The following TXNDC5 variants were observed in gnomAD, a reference collection of about 807,000 sequenced individuals.
The protein encoded by TXNDC5 is thioredoxin domain containing 5, also known as thioredoxin domain-containing protein 5.
Under a neutral mutation model 52.6 loss-of-function variants are expected in TXNDC5, and 44 were observed. The ratio of observed to expected loss-of-function variants is 0.84; its 90% confidence interval spans 0.66 to 1.08. The LOEUF (loss-of-function observed/expected upper bound fraction) is 1.08, where lower values mean the gene tolerates loss of function less well. Ranked by LOEUF, TXNDC5 falls within the 50% of genes least tolerant of loss-of-function variation. The pLI is 0.00. For missense variants in TXNDC5, 600 were observed against 565.5 expected, an observed-to-expected ratio of 1.06 and a Z score of -0.62; for synonymous variants, 241 against 234.4, an observed-to-expected ratio of 1.03 and a Z score of -0.26.
intron 1 of TXNDC5, among the ~76,000 whole-genome samples, chr6:7,908,982 G>A (rs1440425033): frequency 1.3e-5 from 2 of 152,204 alleles, no homozygotes; most frequent in Non-Finnish European, 2.9e-5. Context: ...AATACTGCCT[G>A]ATTGTTTTAT....
At chr6:7,901,776 G>A (rs551037199) in intron 2 of TXNDC5, among the ~76,000 whole-genome samples, 1 of 152,352 alleles carries the variant, frequency 6.6e-6, no homozygotes, top group South Asian at 2.1e-4. Context: ...CAAGGAGACT[G>A]CAGGGAGAAA....
At chr6:7,910,493 C>G (rs1398150505) in intron 1 of TXNDC5, 21 bp downstream of exon 1, 2 of 1,423,224 alleles carry the variant, frequency 1.4e-6, no homozygotes, top group South Asian at 1.3e-5. Context: ...CGGGGCAGGG[C>G]GCCGGCCTGC....
At chr6:7,890,102 T>C (rs1760139156) in intron 5 of TXNDC5, among the ~76,000 whole-genome samples, 1 of 152,250 alleles carries the variant, frequency 6.6e-6, no homozygotes, top group Non-Finnish European at 1.5e-5. Flanking sequence ...GTCAAGATTA[T>C]AATCCGTCCT....
At position 7,882,687 on chromosome 6, in the gene TXNDC5, C is replaced by CTGTG. The variant is rs1183118649; in HGVS notation, c.*453_*456dup. On this transcript the variant is annotated 3_prime_UTR_variant, in exon 10 of 10. Transcript: ENST00000379757. The stretch of plus-strand genomic sequence containing the variant: ...ACGGACCAACACAGTATTGAGTCAA[C>CTGTG]TGTGACCTTAAGATCAGAGGAACGT... 1.7e-5 allele frequency: 3 copies of CTGTG among 173,938 alleles called. No homozygotes were observed. Among genetic ancestry groups the CTGTG allele is most frequent in the Admixed American group, 1.1e-4 (2 of 18,062 alleles). 10.8% of individuals were successfully genotyped at this position (173,938 alleles called of 1,614,324 possible). A position where few individuals can be genotyped will look rare whatever the true frequency, so the allele number is the denominator to read the frequency against.
In TXNDC5 at chr6:7,886,180, C is replaced by G. The variant is rs998358053; in HGVS notation, c.964-137G>C. ...AGGCTCCAAGGTCACACAGAAATAC[C>G]TACACAATCTGCATTTCATAGGCTA... On this transcript the variant is annotated intron_variant, in intron 7 of 9. Transcript: ENST00000379757. 15 of 684,960 alleles carry G rather than the reference C, an allele frequency of 2.2e-5. No homozygotes were observed. In the African/African-American group the frequency reaches 2.7e-4, roughly 12 times the overall value. The allele number at this position is 684,960 out of a possible 1,614,324, so 42.4% of individuals were successfully genotyped here. A position where few individuals can be genotyped will look rare whatever the true frequency, so the allele number is the denominator to read the frequency against.
rs1056093643 is a variant in TXNDC5 at position 7,897,122 on chromosome 6, A to G, written c.520-1920T>C. Among the ~76,000 whole-genome samples the G allele has an allele frequency of 4.6e-5, 7 of 152,374 alleles. No individual in the cohort carries two copies. The East Asian group carries it at 1.3e-3, about 29-fold the overall frequency. On this transcript the variant is annotated intron_variant, in intron 3 of 9. Transcript: ENST00000379757. ...ATATCCACTGACAGAATTAGAGTTG[A>G]ATTATGGCAAATCCACATGATAAAA... is the stretch of plus-strand genomic sequence containing the variant.
At chr6:7,908,444 TATTGCAAAGATTCTAAACTTAAA>T (rs1412496159) in intron 1 of TXNDC5, among the ~76,000 whole-genome samples, 2 of 152,088 alleles carry the variant, frequency 1.3e-5, no homozygotes, top group Non-Finnish European at 2.9e-5. Context: ...AGCTGGTATT[TATTGCAAAGATTCTAAACTTAAA>T]ATTCCTTTGG....
chr6:7,910,698 CCAGCAG>C lies in TXNDC5; in HGVS notation c.73_78del (p.Leu25_Leu26del). ...CCCCAGCGCCCGCCGCCGCCATGGC[CCAGCAG>C]CAGCAGCAGCAGCGCAGTCAGGGCC... is the stretch of plus-strand genomic sequence containing the variant. On this transcript the variant is annotated inframe_deletion, in exon 1 of 10. Coordinates refer to ENST00000379757, the MANE Select transcript of TXNDC5 (RefSeq NM_030810.5). The C allele has an allele frequency of 7.3e-6, 8 of 1,092,858 alleles. No individual in the cohort carries two copies. The highest frequency in any genetic ancestry group is 5.2e-5 in the Admixed American group (1 of 19,048). 67.7% of individuals were successfully genotyped at this position (1,092,858 alleles called of 1,614,324 possible).
At chr6:7,905,300 C>T (rs1760697011) in intron 1 of TXNDC5, among the ~76,000 whole-genome samples, 1 of 152,322 alleles carries the variant, frequency 6.6e-6, no homozygotes, top group East Asian at 1.9e-4. Flanking sequence ...TTAGCACTTC[C>T]TGCTGTATCT....
At chr6:7,902,506 C>T (rs1462535841) in intron 2 of TXNDC5, among the ~76,000 whole-genome samples, 2 of 152,166 alleles carry the variant, frequency 1.3e-5, no homozygotes, top group African/African-American at 2.4e-5. Flanking sequence ...TGGACTCAGG[C>T]AGGTACAGTC....
intron 3 of TXNDC5, among the ~76,000 whole-genome samples, chr6:7,898,776 GA>G (rs1760459554): frequency 1.4e-5 from 1 of 73,092 alleles, no homozygotes; most frequent in African/African-American, 5.4e-5. Flanking sequence ...TTATGATCAT[GA>G]TGATTTATAA....
chr6:7,899,583 T>C lies in TXNDC5; in HGVS notation c.512A>G (p.Glu171Gly). 1.2e-6 allele frequency: 2 copies of C among 1,612,664 alleles called. No homozygotes were observed. Among genetic ancestry groups the C allele is most frequent in the Non-Finnish European group, 1.7e-6 (2 of 1,179,528 alleles). ...ENWMLQTLNE[E>G]PVTPEPEVEP... ...AAGGAGGTAGACACTCACCACTGGC[T>C]CCTCGTTCAGTGTCTGCAGCATCCA... The change falls in exon 3 of 10, where the codon GAG becomes GGG. Residue 171 changes from glutamate to glycine, a missense_variant. Physicochemically the swap from Glu to Gly is moderately conservative, Grantham distance 98 (BLOSUM62 -2). Coordinates refer to ENST00000379757, the MANE Select transcript of TXNDC5 (RefSeq NM_030810.5).
intron 1 of TXNDC5, among the ~76,000 whole-genome samples, chr6:7,908,135 T>A (rs1258360673): frequency 1.3e-5 from 2 of 151,944 alleles, no homozygotes; most frequent in Non-Finnish European, 2.9e-5. Flanking sequence ...ATACAAAAAT[T>A]AGCTGGGCGT....
At chr6:7,893,120 C>G (rs1760253637) in intron 4 of TXNDC5, among the ~76,000 whole-genome samples, 3 of 152,216 alleles carry the variant, frequency 2.0e-5, no homozygotes, top group Admixed American at 2.0e-4. Flanking sequence ...CAAACCCTCA[C>G]AGCATCATTA....
chr6:7,887,058 G>C (rs938940081), intron 7 of TXNDC5, among the ~76,000 whole-genome samples: 1 of 152,102 alleles, frequency 6.6e-6, no homozygotes, highest in African/African-American at 2.4e-5. Context: ...TAACATAAGT[G>C]GTCCTGACAA....
rs780682753 is a variant in TXNDC5, at chr6:7,889,549, G to A, written c.765C>T (p.Ser255=). The change falls in exon 6 of 10, where the codon TCC becomes TCT. Residue 255 remains serine, a synonymous_variant. Coordinates refer to ENST00000379757, the MANE Select transcript of TXNDC5 (RefSeq NM_030810.5). ...VDCTQHYELC[S]GNQVRGYPTL... ...TGGGATAGCCACGAACCTGGTTTCC[G>A]GAGCAGAGTTCATAGTGCTGTGTAC... 14 of 1,613,462 alleles carry A rather than the reference G, an allele frequency of 8.7e-6. No individual in the cohort carries two copies. Among genetic ancestry groups the A allele is most frequent in the Middle Eastern group, 1.6e-4 (1 of 6,082 alleles).
rs2113308933 is a variant in TXNDC5, at chr6:7,882,959, T to A, written c.*185A>T. ...AGTTACACATTTACTTAGAGAAACT[T>A]AACTTAATAAAGAATCTGTAGAGTG... On this transcript the variant is annotated 3_prime_UTR_variant, in exon 10 of 10. Coordinates refer to ENST00000379757, the MANE Select transcript of TXNDC5 (RefSeq NM_030810.5). The A allele has an allele frequency of 2.9e-6, 2 of 700,230 alleles. No homozygotes were observed. The highest frequency in any genetic ancestry group is 4.8e-5 in the South Asian group (2 of 41,954). 43.4% of individuals were successfully genotyped at this position (700,230 alleles called of 1,614,324 possible).
intron 6 of TXNDC5, 158 bp from the exon 7 acceptor site, chr6:7,889,006 G>A (rs1760101789): frequency 1.1e-6 from 1 of 939,638 alleles, no homozygotes; most frequent in Admixed American, 3.2e-5. Flanking sequence ...ATGTAGAGAG[G>A]ATAACTGAAT....
At chr6:7,898,872 T>C (rs1255022759) in intron 3 of TXNDC5, among the ~76,000 whole-genome samples, 1 of 152,044 alleles carries the variant, frequency 6.6e-6, no homozygotes, top group Non-Finnish European at 1.5e-5. Context: ...GTCTACAATC[T>C]CCTGATATTA....
Sources: gnomAD v4.1 joint callset for allele counts (sites outside exome capture counted in the v4.1 genomes callset) on GRCh38, gnomAD v4.1.1 for gene constraint, MANE v1.5 for transcripts, NCBI Gene and HGNC (gene_info 2026-07-23, HGNC 2026-07-21) for gene names.